Variants in MYCBP2 observed in about 807,000 individuals in gnomAD.
MYCBP2 encodes E3 ubiquitin-protein ligase MYCBP2.
A neutral mutation model predicts 525.3 loss-of-function variants in MYCBP2; 120 were observed. The ratio of observed to expected loss-of-function variants is 0.23; its 90% CI spans 0.20 to 0.27. The LOEUF (loss-of-function observed/expected upper bound fraction) is 0.27. MYCBP2 is among the 10% of genes least tolerant of loss of function. MYCBP2 has a pLI of 1.00. For missense variants in MYCBP2, 4,149 were observed against 5,657.1 expected, an observed-to-expected ratio of 0.73 and a Z score of 8.55; for synonymous variants, 1,894 against 1,955.8, an observed-to-expected ratio of 0.97 and a Z score of 0.83.
At chr13:77,222,936 G>A (rs770952536) in intron 20 of MYCBP2, among the ~76,000 whole-genome samples, 5 of 152,192 alleles carry the variant, frequency 3.3e-5, no homozygotes, top group Non-Finnish European at 5.9e-5. Context: ...CATATACACT[G>A]TGACTGCGAG....
intron 2 of MYCBP2, among the ~76,000 whole-genome samples, chr13:77,292,696 T>A (rs9530632): frequency 2.0e-5 from 3 of 152,018 alleles, no homozygotes; most frequent in South Asian, 2.1e-4. Context: ...CGGTGGCTTG[T>A]GCCTGTAATC....
intron 40 of MYCBP2, 92 bp downstream of exon 40, chr13:77,168,336 C>G (rs2058756030): frequency 9.7e-7 from 1 of 1,034,084 alleles, no homozygotes; most frequent in Non-Finnish European, 1.4e-6. Flanking sequence ...AGAAAATACA[C>G]TTGTAAATAC....
intron 61 of MYCBP2, among the ~76,000 whole-genome samples, chr13:77,088,620 ATTTC>A (rs1235434651): frequency 3.3e-5 from 5 of 152,186 alleles, no homozygotes; most frequent in Non-Finnish European, 5.9e-5. Context: ...ACAGAAATAA[ATTTC>A]TTTAGGGTGC....
chr13:77,148,887 T>C (rs1693706587), intron 47 of MYCBP2, among the ~76,000 whole-genome samples: 2 of 152,158 alleles, frequency 1.3e-5, no homozygotes, highest in South Asian at 4.1e-4. Context: ...AACCTACAAA[T>C]TTACTAGCAT....
In MYCBP2 at chr13:77,218,621, AC is replaced by A. The variant is rs2065135774; in HGVS notation, c.2940-665del. On this transcript the variant is annotated intron_variant, in intron 20 of 82. Transcript: ENST00000544440. ...TGGAGAATACTAACAAACGGTGTCT[AC>A]CCCCACAGAGTTCCTGTGAACAGTA... Among the ~76,000 whole-genome samples the A allele has an allele frequency of 2.6e-5, 4 of 152,254 alleles. No individual in the cohort carries two copies. The South Asian group carries it at 8.3e-4, about 32-fold the overall frequency.
chr13:77,294,131 C>CATATATAT, intron 2 of MYCBP2, among the ~76,000 whole-genome samples: 108 of 65,710 alleles, frequency 1.6e-3, no homozygotes, highest in Non-Finnish European at 2.5e-3. Context: ...TATATATATA[C>CATATATAT]ATATATATAT....
intron 20 of MYCBP2, among the ~76,000 whole-genome samples, chr13:77,223,185 T>C (rs556940555): frequency 4.3e-4 from 65 of 152,316 alleles, no homozygotes; most frequent in Middle Eastern, 3.4e-3. Context: ...CACGAGGACA[T>C]TCGTCCCCTG....
intron 30 of MYCBP2, among the ~76,000 whole-genome samples, chr13:77,188,026 G>A (rs932691965): frequency 2.0e-4 from 30 of 147,208 alleles, no homozygotes; most frequent in African/African-American, 6.0e-4. Context: ...AGCCAAGATC[G>A]TGCCACTGCA....
chr13:77,250,502 T>G (rs1173488938), intron 15 of MYCBP2, among the ~76,000 whole-genome samples: 1 of 152,186 alleles, frequency 6.6e-6, no homozygotes, highest in Non-Finnish European at 1.5e-5. Flanking sequence ...CCCATCATGT[T>G]ATAGTGGCTA....
At chr13:77,056,065 C>A (rs897269118) in intron 79 of MYCBP2, among the ~76,000 whole-genome samples, 1 of 148,004 alleles carries the variant, frequency 6.8e-6, no homozygotes, top group African/African-American at 2.5e-5. Context: ...AACAAAGTTA[C>A]CTTGTTGCCA....
chr13:77,207,448 G>T (rs185365011), intron 23 of MYCBP2, among the ~76,000 whole-genome samples: 60 of 152,150 alleles, frequency 3.9e-4, no homozygotes, highest in Non-Finnish European at 7.2e-4. Context: ...TTTAGGGGTC[G>T]GGAAGTGAGG....
chr13:77,287,415 C>T (rs1335970799), intron 3 of MYCBP2, among the ~76,000 whole-genome samples: 1 of 151,702 alleles, frequency 6.6e-6, no homozygotes, highest in Non-Finnish European at 1.5e-5. Context: ...AAACTCCTGA[C>T]CTCAGGTGAT....
chr13:77,250,498 A>G (rs1401100432), intron 15 of MYCBP2, among the ~76,000 whole-genome samples: 1 of 152,198 alleles, frequency 6.6e-6, no homozygotes, highest in Admixed American at 6.5e-5. Flanking sequence ...ATATCCCATC[A>G]TGTTATAGTG....
chr13:77,109,941 T>C (rs200748233), intron 55 of MYCBP2: 1 of 152,342 alleles, frequency 6.6e-6, no homozygotes, highest in East Asian at 1.9e-4. Flanking sequence ...TTTAATCTCT[T>C]AATCCTGTTA....
chr13:77,236,108 C>T (rs375789398), intron 17 of MYCBP2, among the ~76,000 whole-genome samples: 11 of 152,206 alleles, frequency 7.2e-5, no homozygotes, highest in South Asian at 6.2e-4. Flanking sequence ...GAGGTAAGGC[C>T]AGTTAAAAGG....
chr13:77,111,906 A>G (rs978840777), intron 55 of MYCBP2, among the ~76,000 whole-genome samples: 2 of 152,288 alleles, frequency 1.3e-5, no homozygotes, highest in Non-Finnish European at 2.9e-5. Context: ...TATGGCTTAC[A>G]AGACCCTTCA....
At position 77,093,275 on chromosome 13, in the gene MYCBP2, C is replaced by G; in HGVS notation, c.10257G>C (p.Met3419Ile). The G allele has an allele frequency of 6.2e-7, 1 of 1,613,452 alleles. No individual in the cohort carries two copies. Among genetic ancestry groups the G allele is most frequent in the Non-Finnish European group, 8.5e-7 (1 of 1,179,592 alleles). Residue 3419 changes from methionine (M) to isoleucine (I), a missense_variant, in exon 59 of 83, where the codon ATG becomes ATC. Physicochemically the swap from Met to Ile is conservative, Grantham distance 10. Coordinates refer to ENST00000544440, the MANE Select transcript of MYCBP2 (RefSeq NM_015057.5). Reference protein sequence around the residue: ...YQDDNLFQDEMRYLRSTSVPA... With the variant: ...YQDDNLFQDEIRYLRSTSVPA... ...GTACAGATGTTGAACGTAGATATCT[C>G]ATTTCATCCTGGAATAGATTGTCAT... is the stretch of plus-strand genomic sequence containing the variant.
intron 27 of MYCBP2, among the ~76,000 whole-genome samples, chr13:77,192,190 A>G (rs1453963891): frequency 1.3e-5 from 2 of 152,264 alleles, no homozygotes; most frequent in African/African-American, 4.8e-5. Context: ...GAAAGGCAGC[A>G]TATTAAGAAA....
intron 55 of MYCBP2, 24 bp from the exon 56 acceptor site, chr13:77,099,037 A>C (rs779525296): frequency 7.6e-6 from 12 of 1,587,140 alleles, no homozygotes; most frequent in South Asian, 1.1e-5. Flanking sequence ...TTTACAGTGA[A>C]ACTTATTAAT....
Sources: gnomAD v4.1 joint callset for allele counts (sites outside exome capture counted in the v4.1 genomes callset) on GRCh38, gnomAD v4.1.1 for gene constraint, MANE v1.5 for transcripts, NCBI Gene and HGNC (gene_info 2026-07-23, HGNC 2026-07-21) for gene names.